NSMCE2: variants seen among roughly 807,000 people sequenced by gnomAD.
NSMCE2 encodes NSE2 SUMO ligase component of SMC5/6 complex.
A neutral mutation model predicts 23.8 loss-of-function variants in NSMCE2; 24 were observed. The observed-to-expected ratio is 1.01, with a 90% CI of 0.73 to 1.42. NSMCE2 has a LOEUF of 1.42. Ranked by LOEUF, NSMCE2 falls within the 40% of genes most tolerant of loss-of-function variation. The probability of loss-of-function intolerance (pLI) is 0.00; values close to 1 mark genes in which losing one functional copy is unlikely to be tolerated. For synonymous variants in NSMCE2, 92 were observed against 94.1 expected (o/e 0.98, Z 0.13); for missense variants, 284 against 296.5 (o/e 0.96, Z 0.31).
At chr8:125,224,288 C>CTATG (rs1210141184) in intron 5 of NSMCE2, among the ~76,000 whole-genome samples, 1 of 152,176 alleles carries the variant, frequency 6.6e-6, no homozygotes, top group African/African-American at 2.4e-5. Flanking sequence ...GTTTCCTTTA[C>CTATG]TATGCAGAAG....
chr8:125,150,193 G>A (rs189904686), intron 3 of NSMCE2, among the ~76,000 whole-genome samples: 1 of 152,288 alleles, frequency 6.6e-6, no homozygotes, highest in East Asian at 1.9e-4. Flanking sequence ...GTCCCAGGCA[G>A]CAGGGAGAGA....
chr8:125,284,025 G>A (rs1463826807), intron 5 of NSMCE2, among the ~76,000 whole-genome samples: 1 of 151,896 alleles, frequency 6.6e-6, no homozygotes, highest in Non-Finnish European at 1.5e-5. Flanking sequence ...GTGGTGGCGG[G>A]CGCCTGTAGT....
intron 5 of NSMCE2, among the ~76,000 whole-genome samples, chr8:125,286,315 A>T (rs60324416): frequency 0.15 from 21,866 of 147,992 alleles, 2,936 homozygotes; most frequent in African/African-American, 0.36. Flanking sequence ...CCTTTTATTT[A>T]TTTTTTTTTT....
Position 125,278,583 on chromosome 8 carries a change from G to A in NSMCE2, c.419-78636G>A, listed in dbSNP as rs547568338. On this transcript the variant is annotated intron_variant, in intron 5 of 7. Coordinates refer to ENST00000287437, the MANE Select transcript of NSMCE2 (RefSeq NM_173685.4). ...TTGTTTTAGGTACTGATTATACAGC[G>A]AACATGTTGATGATATGGTAGAGGT... Among the ~76,000 whole-genome samples the A allele has an allele frequency of 1.1e-4, 16 of 152,318 alleles. 1 individual carries two copies. The highest frequency in any genetic ancestry group is 3.4e-4 in the African/African-American group (14 of 41,574).
chr8:125,351,215 C>T (rs115024938), intron 5 of NSMCE2, among the ~76,000 whole-genome samples: 2,354 of 152,266 alleles, frequency 0.015, 54 homozygotes, highest in African/African-American at 0.053. Context: ...TGGGAACTTA[C>T]ATCTTGGGGT....
At chr8:125,333,963 ACC>A (rs1403865661) in intron 5 of NSMCE2, among the ~76,000 whole-genome samples, 5 of 151,992 alleles carry the variant, frequency 3.3e-5, no homozygotes, top group African/African-American at 1.2e-4. Context: ...AGCTCAGGTC[ACC>A]CTCACAGTCA....
In NSMCE2 at chr8:125,272,776, C is replaced by CACAT. The variant is rs1563756198; in HGVS notation, c.419-84443_419-84442insACAT. On this transcript the variant is annotated intron_variant, in intron 5 of 7. Coordinates refer to ENST00000287437, the MANE Select transcript of NSMCE2 (RefSeq NM_173685.4). ...ACACGTATATATATATACACACACA[C>CACAT]GTATATATATACACATGTGTATATA... Among the ~76,000 whole-genome samples the CACAT allele has an allele frequency of 2.2e-3, 305 of 140,664 alleles. 14 individuals are homozygous for CACAT. Among genetic ancestry groups the CACAT allele is most frequent in the African/African-American group, 7.8e-3 (288 of 37,058 alleles). The allele number at this position is 140,664 out of a possible 152,430, so 92.3% of individuals were successfully genotyped here. A position where few individuals can be genotyped will look rare whatever the true frequency, so the allele number is the denominator to read the frequency against.
At position 125,366,880 on chromosome 8, in the gene NSMCE2, G is replaced by C; in HGVS notation, c.739G>C (p.Glu247Gln). The change falls in exon 8 of 8, where the codon GAG becomes CAG. Residue 247 changes from glutamate (E) to glutamine (Q), a missense_variant. Transcript: ENST00000287437. ...TAACAAGAAAAGACATCGTCATTCC[G>C]AGTAGGAAAAGCCACCTGCCTGCAG... ...NHNKKRHRHSE is the reference protein window; with the variant it reads ...NHNKKRHRHSQ 6.3e-7 allele frequency: 1 copy of C among 1,594,700 alleles called. No homozygotes were observed. The highest frequency in any genetic ancestry group is 8.6e-7 in the Non-Finnish European group (1 of 1,162,342).
intron 3 of NSMCE2, among the ~76,000 whole-genome samples, chr8:125,116,412 T>A (rs1208322412): frequency 6.6e-6 from 1 of 152,144 alleles, no homozygotes. Flanking sequence ...TTAAAAAAAT[T>A]ATTATTATTT....
chr8:125,156,868 C>T (rs1464586702), intron 4 of NSMCE2, among the ~76,000 whole-genome samples: 1 of 152,106 alleles, frequency 6.6e-6, no homozygotes, highest in Non-Finnish European at 1.5e-5. Context: ...GTAAGTTGTG[C>T]CTTTTTCTTA....
chr8:125,225,548 C>G (rs1227827149), intron 5 of NSMCE2, among the ~76,000 whole-genome samples: 1 of 152,188 alleles, frequency 6.6e-6, no homozygotes, highest in Non-Finnish European at 1.5e-5. Context: ...GCCAGCACCC[C>G]CTGAGAAAGT....
At chr8:125,200,088 C>T (rs1181283083) in intron 5 of NSMCE2, among the ~76,000 whole-genome samples, 1 of 152,134 alleles carries the variant, frequency 6.6e-6, no homozygotes, top group African/African-American at 2.4e-5. Context: ...AGATGGGTCT[C>T]CTGAATACAG....
intron 5 of NSMCE2, among the ~76,000 whole-genome samples, chr8:125,327,651 G>A (rs947159513): frequency 1.3e-5 from 2 of 149,196 alleles, no homozygotes; most frequent in East Asian, 3.9e-4. Flanking sequence ...CCATACAGGT[G>A]TTGGGCACAG....
intron 5 of NSMCE2, among the ~76,000 whole-genome samples, chr8:125,223,250 T>TG (rs1316707387): frequency 7.3e-5 from 11 of 151,224 alleles, no homozygotes; most frequent in African/African-American, 2.7e-4. Context: ...CCCAGCTACT[T>TG]GGCAGGCTGA....
chr8:125,105,090 C>T (rs1321334711), intron 3 of NSMCE2, among the ~76,000 whole-genome samples: 1 of 152,202 alleles, frequency 6.6e-6, no homozygotes, highest in Non-Finnish European at 1.5e-5. Context: ...TCCCAGTTTT[C>T]CCTTATTGCA....
intron 5 of NSMCE2, among the ~76,000 whole-genome samples, chr8:125,252,390 G>A (rs907639879): frequency 6.6e-6 from 1 of 152,138 alleles, no homozygotes; most frequent in Non-Finnish European, 1.5e-5. Context: ...AGCTGGATGT[G>A]GTGGTGGGTG....
intron 5 of NSMCE2, among the ~76,000 whole-genome samples, chr8:125,198,622 T>C (rs1451352943): frequency 6.6e-6 from 1 of 152,254 alleles, no homozygotes; most frequent in Non-Finnish European, 1.5e-5. Flanking sequence ...ACATCGATGT[T>C]CATCAGAGAT....
At chr8:125,124,123 T>G (rs1442599935) in intron 3 of NSMCE2, 1 of 152,246 alleles carries the variant, frequency 6.6e-6, no homozygotes, top group Non-Finnish European at 1.5e-5. Context: ...ATTTCCAGCA[T>G]CTCATATAAA....
intron 3 of NSMCE2, among the ~76,000 whole-genome samples, chr8:125,150,851 G>C (rs895467963): frequency 6.6e-6 from 1 of 152,128 alleles, no homozygotes; most frequent in South Asian, 2.1e-4. Flanking sequence ...GAGAGGTGTA[G>C]TGATTGATTT....
Sources: allele counts gnomAD v4.1 joint callset (sites outside exome capture counted in the v4.1 genomes callset), GRCh38; gene constraint gnomAD v4.1.1; transcripts MANE v1.5; gene names NCBI Gene and HGNC (gene_info 2026-07-23, HGNC 2026-07-21).